PCDH15: variants seen among roughly 807,000 people sequenced by gnomAD.
The protein encoded by PCDH15 is protocadherin related 15.
A neutral mutation model predicts 178.5 loss-of-function variants in PCDH15; 129 were observed. The observed-to-expected ratio is 0.72, with a 90% CI of 0.63 to 0.84. The LOEUF is 0.84. Ranked by LOEUF, PCDH15 falls within the 40% of genes least tolerant of loss-of-function variation. PCDH15 has a pLI of 0.00. For synonymous variants in PCDH15, 800 were observed against 732.0 expected (o/e 1.09, Z -1.50); for missense variants, 2,230 against 2,099.9 (o/e 1.06, Z -1.21).
At chr10:54,104,049 A>T (rs766459241) in intron 15 of PCDH15, among the ~76,000 whole-genome samples, 2 of 152,210 alleles carry the variant, frequency 1.3e-5, no homozygotes, top group South Asian at 2.1e-4. Flanking sequence ...ATTCAGAAGC[A>T]AACAGGAGTG....
At chr10:53,992,601 C>T (rs957276309) in intron 21 of PCDH15, among the ~76,000 whole-genome samples, 1 of 152,138 alleles carries the variant, frequency 6.6e-6, no homozygotes, top group African/African-American at 2.4e-5. Context: ...TCCCCAAAAT[C>T]TCCTCATAAA....
Position 54,476,821 on chromosome 10 carries a change from G to A in PCDH15, c.157+50991C>T, listed in dbSNP as rs114989792. On this transcript the variant is annotated intron_variant, in intron 3 of 37. Transcript: ENST00000644397. Reference sequence around the variant, plus strand: ...GAACAAGCATACAGGCCCATCATGGGGTCAAACCTGTAATCCTGATTCCAT... The same window carrying A: ...GAACAAGCATACAGGCCCATCATGGAGTCAAACCTGTAATCCTGATTCCAT... Among the ~76,000 whole-genome samples the A allele has an allele frequency of 8.0e-3, 1,220 of 152,064 alleles. 13 individuals are homozygous for A. The highest frequency in any genetic ancestry group is 0.028 in the African/African-American group (1,152 of 41,462).
rs567314868 is a variant in PCDH15 at position 55,116,286 on chromosome 10, A to C, written c.-80+50290T>G. ...TGAATTCAGTAACTAAAATCTATTAAGATTATTTACAATAACCAGGCATGC... is the reference window on the plus strand; with the variant it reads ...TGAATTCAGTAACTAAAATCTATTACGATTATTTACAATAACCAGGCATGC... On this transcript the variant is annotated intron_variant, in intron 2 of 5. Transcript: ENST00000458638. 2.6e-5 allele frequency among the ~76,000 whole-genome samples: 4 copies of C among 152,320 alleles called. No individual in the cohort carries two copies. The East Asian group carries it at 7.7e-4, about 29-fold the overall frequency.
At chr10:54,599,737 G>T in intron 2 of PCDH15, 1 of 473,506 alleles carries the variant, frequency 2.1e-6, no homozygotes. Flanking sequence ...GGAAAAGGAA[G>T]AAGAAGAGGA....
intron 1 of PCDH15, among the ~76,000 whole-genome samples, chr10:55,272,936 C>A (rs1158096161): frequency 6.6e-6 from 1 of 152,006 alleles, no homozygotes; most frequent in African/African-American, 2.4e-5. Flanking sequence ...GTGTACTTAA[C>A]AACACTCTAT....
chr10:55,030,128 TA>T (rs1433913345), intron 2 of PCDH15, among the ~76,000 whole-genome samples: 2 of 152,132 alleles, frequency 1.3e-5, no homozygotes, highest in South Asian at 2.1e-4. Context: ...ACATAGAAAT[TA>T]AGTCAGTTTC....
At chr10:53,974,357 G>T (rs1261927587) in intron 21 of PCDH15, among the ~76,000 whole-genome samples, 1 of 151,860 alleles carries the variant, frequency 6.6e-6, no homozygotes, top group Non-Finnish European at 1.5e-5. Flanking sequence ...GGGGCTTTTT[G>T]TTTTCCATTA....
At chr10:55,549,580 G>C (rs905624023) in intron 2 of PCDH15, among the ~76,000 whole-genome samples, 1 of 152,070 alleles carries the variant, frequency 6.6e-6, no homozygotes, top group Non-Finnish European at 1.5e-5. Flanking sequence ...TGATAAATGA[G>C]GTGGGCTAAA....
At chr10:54,170,717 C>T (rs914214894) in intron 13 of PCDH15, among the ~76,000 whole-genome samples, 17 of 152,176 alleles carry the variant, frequency 1.1e-4, no homozygotes, top group Admixed American at 6.5e-4. Flanking sequence ...TCCTGTTCCT[C>T]ACCCTGATCA....
intron 2 of PCDH15, among the ~76,000 whole-genome samples, chr10:55,426,719 A>G (rs1838766853): frequency 6.6e-6 from 1 of 152,146 alleles, no homozygotes; most frequent in South Asian, 2.1e-4. Flanking sequence ...ATGAGGTCTC[A>G]TGAATGAATT....
intron 2 of PCDH15, among the ~76,000 whole-genome samples, chr10:55,386,425 A>C (rs984788088): frequency 2.3e-5 from 2 of 87,714 alleles, no homozygotes; most frequent in African/African-American, 1.3e-4. Flanking sequence ...GCATTTCACA[A>C]AAAAAAATGA....
chr10:54,064,770 TG>T (rs768356243), intron 18 of PCDH15, among the ~76,000 whole-genome samples: 2 of 152,090 alleles, frequency 1.3e-5, no homozygotes, highest in South Asian at 4.1e-4. Flanking sequence ...TGCCAGGAGC[TG>T]GAAGAGGTCA....
At chr10:54,607,957 T>C in intron 2 of PCDH15, 1 of 503,370 alleles carries the variant, frequency 2.0e-6, no homozygotes, top group South Asian at 1.4e-5. Flanking sequence ...ACCAACCTAA[T>C]ACTTCCGCAC....
At chr10:55,315,498 T>C (rs1283780739) in intron 1 of PCDH15, among the ~76,000 whole-genome samples, 2 of 152,184 alleles carry the variant, frequency 1.3e-5, no homozygotes, top group Non-Finnish European at 2.9e-5. Flanking sequence ...CTCTAGTCTC[T>C]CAGTCTCTCA....
At chr10:55,450,467 T>G (rs1042174929) in intron 2 of PCDH15, among the ~76,000 whole-genome samples, 1 of 152,196 alleles carries the variant, frequency 6.6e-6, no homozygotes, top group African/African-American at 2.4e-5. Flanking sequence ...GGAACGCACC[T>G]AATAGCCTAA....
chr10:55,125,215 T>C (rs1837870065), intron 2 of PCDH15, among the ~76,000 whole-genome samples: 1 of 147,558 alleles, frequency 6.8e-6, no homozygotes, highest in South Asian at 2.1e-4. Context: ...AAAATCTGTG[T>C]TAGGCAAGGC....
chr10:55,394,155 T>C (rs900226599), intron 2 of PCDH15, among the ~76,000 whole-genome samples: 19 of 151,984 alleles, frequency 1.3e-4, no homozygotes, highest in Admixed American at 5.9e-4. Flanking sequence ...AAAGCCCTCT[T>C]TTCTACTATA....
At chr10:55,370,961 G>C (rs2131989346) in intron 2 of PCDH15, among the ~76,000 whole-genome samples, 1 of 152,100 alleles carries the variant, frequency 6.6e-6, no homozygotes, top group Admixed American at 6.6e-5. Context: ...TCTGAATTTG[G>C]GTGTGTGACA....
intron 2 of PCDH15, among the ~76,000 whole-genome samples, chr10:54,580,384 A>G (rs2090927317): frequency 6.6e-6 from 1 of 152,046 alleles, no homozygotes; most frequent in Non-Finnish European, 1.5e-5. Flanking sequence ...TACATTCATG[A>G]AAACATACAA....
Sources: allele counts gnomAD v4.1 joint callset (sites outside exome capture counted in the v4.1 genomes callset), GRCh38; gene constraint gnomAD v4.1.1; transcripts MANE v1.5; gene names NCBI Gene and HGNC (gene_info 2026-07-23, HGNC 2026-07-21).